RBFOX1: variants seen among roughly 807,000 people sequenced by gnomAD.
RBFOX1 encodes RNA binding protein fox-1 homolog 1.
RBFOX1 carries 8 observed loss-of-function variants against 57.7 expected under a neutral mutation model. The observed-to-expected ratio is 0.14, with a 90% CI of 0.08 to 0.25. The LOEUF is 0.25. Ranked by LOEUF, RBFOX1 falls within the 10% of genes least tolerant of loss-of-function variation. RBFOX1 has a pLI of 1.00. For missense variants in RBFOX1, 611 were observed against 548.5 expected (o/e 1.11, Z -1.14); for synonymous variants, 326 against 222.4 (o/e 1.47, Z -4.15).
chr16:5,755,729 G>C (rs1040730487), intron 3 of RBFOX1, among the ~76,000 whole-genome samples: 2 of 152,184 alleles, frequency 1.3e-5, no homozygotes, highest in African/African-American at 4.8e-5. Context: ...CTCCGAAGTA[G>C]CTGGGATTAC....
At chr16:7,076,323 C>T (rs1033380442) in intron 4 of RBFOX1, among the ~76,000 whole-genome samples, 1 of 152,100 alleles carries the variant, frequency 6.6e-6, no homozygotes, top group Non-Finnish European at 1.5e-5. Flanking sequence ...TGAACCACCA[C>T]TCCCGGCCAT....
Position 7,140,939 on chromosome 16 carries a change from C to G in RBFOX1, c.27+88841C>G, listed in dbSNP as rs76464247. Among the ~76,000 whole-genome samples the G allele has an allele frequency of 1.2e-3, 177 of 152,246 alleles. 1 individual carries two copies. Among genetic ancestry groups the G allele is most frequent in the African/African-American group, 4.2e-3 (175 of 41,540 alleles). ...ATTCAAGCATGGTTTCTAAGTGTCT[C>G]AGAGCCTAACGTGGAATTGGGAGAG... On this transcript the variant is annotated intron_variant, in intron 4 of 15. Coordinates refer to ENST00000550418, the MANE Select transcript of RBFOX1 (RefSeq NM_018723.4).
chr16:7,520,541 A>C (rs1036997989), intron 5 of RBFOX1, among the ~76,000 whole-genome samples: 1 of 152,100 alleles, frequency 6.6e-6, no homozygotes, highest in East Asian at 1.9e-4. Context: ...GGAGTACCCC[A>C]CTGTATGGAT....
intron 4 of RBFOX1, among the ~76,000 whole-genome samples, chr16:7,183,898 T>G (rs67187833): frequency 6.6e-6 from 1 of 152,044 alleles, no homozygotes; most frequent in African/African-American, 2.4e-5. Flanking sequence ...GAGGGAGTAG[T>G]TTAAAGGGGA....
intron 2 of RBFOX1, among the ~76,000 whole-genome samples, chr16:6,396,872 C>G (rs1403985154): frequency 6.6e-6 from 1 of 151,810 alleles, no homozygotes; most frequent in Non-Finnish European, 1.5e-5. Flanking sequence ...AAAGAAATAA[C>G]TAGTTATATA....
chr16:6,851,640 T>C (rs1048328991), intron 3 of RBFOX1, among the ~76,000 whole-genome samples: 1 of 152,156 alleles, frequency 6.6e-6, no homozygotes, highest in Non-Finnish European at 1.5e-5. Context: ...AGCCTCCTGT[T>C]GTCAGGGAAA....
At chr16:7,257,694 G>C (rs2153051957) in intron 4 of RBFOX1, among the ~76,000 whole-genome samples, 1 of 152,172 alleles carries the variant, frequency 6.6e-6, no homozygotes, top group African/African-American at 2.4e-5. Context: ...ATTTCTTTGT[G>C]GCCAGGAAAT....
At chr16:6,026,957 T>C (rs1281139922) in intron 1 of RBFOX1, among the ~76,000 whole-genome samples, 2 of 152,266 alleles carry the variant, frequency 1.3e-5, no homozygotes, top group Non-Finnish European at 2.9e-5. Flanking sequence ...CACCGTCATC[T>C]GAATCAGCTT....
intron 14 of RBFOX1, among the ~76,000 whole-genome samples, chr16:7,703,320 G>A (rs1455486573): frequency 6.6e-6 from 1 of 152,150 alleles, no homozygotes; most frequent in African/African-American, 2.4e-5. Flanking sequence ...TCTGTGTTGG[G>A]AGGGGTACAA....
intron 2 of RBFOX1, among the ~76,000 whole-genome samples, chr16:6,478,689 T>A (rs1478452986): frequency 6.6e-6 from 1 of 151,820 alleles, no homozygotes; most frequent in African/African-American, 2.4e-5. Flanking sequence ...TGGTCTAATT[T>A]CAAGATTGTT....
intron 1 of RBFOX1, among the ~76,000 whole-genome samples, chr16:6,149,268 A>T (rs982230352): frequency 6.6e-6 from 1 of 152,224 alleles, no homozygotes; most frequent in Non-Finnish European, 1.5e-5. Flanking sequence ...GCCAGTAAAT[A>T]GACGAGGTGT....
intron 4 of RBFOX1, among the ~76,000 whole-genome samples, chr16:7,124,367 T>C (rs898498825): frequency 6.6e-6 from 1 of 152,116 alleles, no homozygotes; most frequent in Non-Finnish European, 1.5e-5. Context: ...TAAGCCAAGA[T>C]CACAGCACTG....
chr16:6,005,188 A>T (rs2060671072), intron 4 of RBFOX1, among the ~76,000 whole-genome samples: 1 of 152,224 alleles, frequency 6.6e-6, no homozygotes, highest in African/African-American at 2.4e-5. Flanking sequence ...GCGGAAGTTT[A>T]TATTTCGTTC....
At chr16:6,825,202 G>C (rs1313842651) in intron 3 of RBFOX1, among the ~76,000 whole-genome samples, 1 of 149,850 alleles carries the variant, frequency 6.7e-6, no homozygotes, top group Non-Finnish European at 1.5e-5. Context: ...GGGCTGACGT[G>C]TTTTGGGAGG....
intron 3 of RBFOX1, among the ~76,000 whole-genome samples, chr16:5,829,962 C>T (rs1158086403): frequency 6.6e-6 from 1 of 152,170 alleles, no homozygotes; most frequent in Non-Finnish European, 1.5e-5. Flanking sequence ...GAGCAAGGAT[C>T]TGAGGCTGTT....
chr16:6,904,979 C>T (rs996030087), intron 3 of RBFOX1, among the ~76,000 whole-genome samples: 6 of 152,144 alleles, frequency 3.9e-5, no homozygotes, highest in Admixed American at 6.6e-5. Flanking sequence ...CCCTGGCAGC[C>T]AGTCTGTCAG....
At chr16:6,530,243 A>G (rs760002249) in intron 2 of RBFOX1, among the ~76,000 whole-genome samples, 25 of 152,036 alleles carry the variant, frequency 1.6e-4, no homozygotes, top group Admixed American at 4.6e-4. Flanking sequence ...GGGGGCAGGA[A>G]GAAGCGGCAA....
In RBFOX1 at chr16:7,595,480, C is replaced by A. The variant is rs562884166; in HGVS notation, c.469-69C>A. On this transcript the variant is annotated intron_variant, in intron 7 of 15. Transcript: ENST00000550418. Reference sequence around the variant, plus strand: ...AGAAATAGAAATTAAAGCGAGAGAACATTACCAAGTGGTCGTTGACTGAAA... The same window carrying A: ...AGAAATAGAAATTAAAGCGAGAGAAAATTACCAAGTGGTCGTTGACTGAAA... 2.0e-5 allele frequency: 24 copies of A among 1,228,874 alleles called. 1 individual carries two copies. In the South Asian group the frequency reaches 3.8e-4, roughly 20 times the overall value. The allele number at this position is 1,228,874 out of a possible 1,614,324, so 76.1% of individuals were successfully genotyped here. A position where few individuals can be genotyped will look rare whatever the true frequency, so the allele number is the denominator to read the frequency against.
chr16:7,208,809 G>T (rs1168295963), intron 4 of RBFOX1, among the ~76,000 whole-genome samples: 1 of 152,130 alleles, frequency 6.6e-6, no homozygotes, highest in Non-Finnish European at 1.5e-5. Flanking sequence ...TTGCAATCCA[G>T]CCTGGGTGAA....
Sources: gnomAD v4.1 joint callset for allele counts (sites outside exome capture counted in the v4.1 genomes callset) on GRCh38, gnomAD v4.1.1 for gene constraint, MANE v1.5 for transcripts, NCBI Gene and HGNC (gene_info 2026-07-23, HGNC 2026-07-21) for gene names.